The following ENO1 variants were observed in gnomAD, a reference collection of about 807,000 sequenced individuals.
The protein encoded by ENO1 is alpha-enolase.
A neutral mutation model predicts 46.3 loss-of-function variants in ENO1; 33 were observed. That is an observed-to-expected ratio of 0.71 (90% CI 0.54 to 0.95). ENO1 has a LOEUF of 0.95. Among genes scored for constraint, ENO1 ranks in the 40% least tolerant of loss-of-function variants. The pLI, the probability that ENO1 is intolerant of heterozygous loss-of-function variation, is 0.00. For synonymous variants in ENO1, 220 were observed against 216.0 expected (o/e 1.02, Z -0.16); for missense variants, 488 against 553.3 (o/e 0.88, Z 1.18).
Position 8,863,874 on chromosome 1 carries a change from C to A in ENO1, c.1067+17G>T. The A allele has an allele frequency of 6.2e-7, 1 of 1,614,132 alleles. No individual in the cohort carries two copies. Among genetic ancestry groups the A allele is most frequent in the Non-Finnish European group, 8.5e-7 (1 of 1,179,974 alleles). ...GCCGTAGCTGCGGGAAAGCTGCTCG[C>A]CTGGGAAGACACTTACGCCTGAAGA... On this transcript the variant is annotated intron_variant, in intron 9 of 11. Coordinates refer to ENST00000234590, the MANE Select transcript of ENO1 (RefSeq NM_001428.5).
chr1:8,874,600 AG>A lies in ENO1; in HGVS notation c.85+223del, dbSNP rs376464166. On this transcript the variant is annotated intron_variant, in intron 2 of 11. Coordinates refer to ENST00000234590, the MANE Select transcript of ENO1 (RefSeq NM_001428.5). Reference sequence around the variant, plus strand: ...CTCAAAAAAAAAAAAAAAAAAAAAAAGAAAAAGAAAAAGAAAAAAATAAGCC... The same window carrying A: ...CTCAAAAAAAAAAAAAAAAAAAAAAAAAAAAGAAAAAGAAAAAAATAAGCC... Among the ~76,000 whole-genome samples, 31 of 141,672 alleles carry A rather than the reference AG, an allele frequency of 2.2e-4. 1 individual carries two copies. Among genetic ancestry groups the A allele is most frequent in the Middle Eastern group, 3.5e-3 (1 of 284 alleles). The allele number at this position is 141,672 out of a possible 152,430, so 92.9% of individuals were successfully genotyped here.
intron 9 of ENO1, among the ~76,000 whole-genome samples, chr1:8,863,581 C>G (rs767808265): frequency 6.6e-6 from 1 of 152,164 alleles, no homozygotes; most frequent in African/African-American, 2.4e-5. Flanking sequence ...TTCAGCCTCC[C>G]TTGATGGGAG....
At position 8,864,025 on chromosome 1, in the gene ENO1, T is replaced by C. The variant is rs766442820; in HGVS notation, c.933A>G (p.Ala311=). 4 of 1,614,170 alleles carry C rather than the reference T, an allele frequency of 2.5e-6. No homozygotes were observed. Among genetic ancestry groups the C allele is most frequent in the South Asian group, 1.1e-5 (1 of 91,080 alleles). ...WGAWQKFTAS[A]GIQVVGDDLT... is the part of the protein sequence containing the mutation. ...GATCATCCCCCACTACCTGGATTCCTGCACTGGCTGTGAACTTCTGCCAAG... is the reference window on the plus strand; with the variant it reads ...GATCATCCCCCACTACCTGGATTCCCGCACTGGCTGTGAACTTCTGCCAAG... The change falls in exon 9 of 12, where the codon GCA becomes GCG. Residue 311 remains alanine, a synonymous_variant. Transcript: ENST00000234590.
intron 3 of ENO1, chr1:8,870,794 A>ACTG: frequency 7.1e-7 from 1 of 1,399,322 alleles, no homozygotes; most frequent in Non-Finnish European, 9.3e-7. Flanking sequence ...GGAAACGCCA[A>ACTG]CTGCAGACTA....
intron 4 of ENO1, among the ~76,000 whole-genome samples, chr1:8,868,316 G>A (rs1006138266): frequency 6.6e-6 from 1 of 152,068 alleles, no homozygotes; most frequent in Non-Finnish European, 1.5e-5. Flanking sequence ...TGTAACAAAA[G>A]GTTAATAGTC....
chr1:8,870,968 G>A, intron 3 of ENO1: 2 of 1,246,426 alleles, frequency 1.6e-6, no homozygotes, highest in Non-Finnish European at 2.0e-6. Flanking sequence ...GAGACAGTGA[G>A]GGGGCAGGAA....
At position 8,867,179 on chromosome 1, in the gene ENO1, C is replaced by A; in HGVS notation, c.382G>T (p.Val128Phe). The A allele has an allele frequency of 6.2e-7, 1 of 1,614,156 alleles. No homozygotes were observed. The stretch of plus-strand genomic sequence containing the variant: ...TCAGCGATGTGGCGGTACAGGGGGA[C>A]CCCCTTCTCAACGGCACCAGCTTTG... Reference protein sequence around the residue: ...VCKAGAVEKGVPLYRHIADLA... With the variant: ...VCKAGAVEKGFPLYRHIADLA... The change falls in exon 6 of 12, where the codon GTC (valine) becomes TTC (phenylalanine). Residue 128 changes from valine (V) to phenylalanine (F), a missense_variant. Physicochemically the swap from Val to Phe is conservative, Grantham distance 50. Coordinates refer to ENST00000234590, the MANE Select transcript of ENO1 (RefSeq NM_001428.5).
Position 8,866,389 on chromosome 1 carries a change from G to A in ENO1, c.557C>T (p.Ala186Val). The A allele has an allele frequency of 6.2e-7, 1 of 1,614,192 alleles. No individual in the cohort carries two copies. Among genetic ancestry groups the A allele is most frequent in the Non-Finnish European group, 8.5e-7 (1 of 1,180,044 alleles). Residue 186 changes from alanine to valine, a missense_variant, in exon 7 of 12, where the codon GCA becomes GTA. Coordinates refer to ENST00000234590, the MANE Select transcript of ENO1 (RefSeq NM_001428.5). ...ANFREAMRIG[A>V]EVYHNLKNVI... ...ATTCTTCAGGTTGTGGTAAACCTCT[G>A]CTCCAATGCGCATGGCTTCCCTGAA...
Position 8,867,117 on chromosome 1 carries a change from C to T in ENO1, c.444G>A (p.Pro148=), listed in dbSNP as rs1320568706. The T allele has an allele frequency of 1.3e-5, 21 of 1,612,650 alleles. No homozygotes were observed. The highest frequency in any genetic ancestry group is 6.7e-5 in the East Asian group (3 of 44,850). The part of the protein sequence containing the change: ...AGNSEVILPV[P]AFNVINGGSH... ...TGGGAAGTTCCAATAAACCACTCACCGGGACTGGCAGGATGACTTCAGAGT... is the reference window on the plus strand; with the variant it reads ...TGGGAAGTTCCAATAAACCACTCACTGGGACTGGCAGGATGACTTCAGAGT... The change falls in exon 6 of 12, where the codon CCG becomes CCA. Residue 148 remains proline (P), a splice_region_variant and synonymous_variant. Coordinates refer to ENST00000234590, the MANE Select transcript of ENO1 (RefSeq NM_001428.5).
intron 2 of ENO1, among the ~76,000 whole-genome samples, chr1:8,872,324 C>A (rs903137492): frequency 5.9e-5 from 9 of 152,146 alleles, no homozygotes; most frequent in African/African-American, 2.2e-4. Flanking sequence ...GTGGATTACT[C>A]CAGCAGCACT....
chr1:8,866,404 G>C lies in ENO1; in HGVS notation c.542C>G (p.Ala181Gly). 6.2e-7 allele frequency: 1 copy of C among 1,614,194 alleles called. No homozygotes were observed. Among genetic ancestry groups the C allele is most frequent in the African/African-American group, 1.3e-5 (1 of 75,030 alleles). The change falls in exon 7 of 12, where the codon GCC becomes GGC. Residue 181 changes from alanine (A) to glycine (G), a missense_variant. Transcript: ENST00000234590. ...LPVGAANFRE[A>G]MRIGAEVYHN... is the part of the protein sequence containing the mutation. ...GTAAACCTCTGCTCCAATGCGCATG[G>C]CTTCCCTGAAGTTTGCTGCACCGAC... is the stretch of plus-strand genomic sequence containing the variant.
chr1:8,866,137 TA>T, intron 7 of ENO1, 141 bp downstream of exon 7: 1 of 690,268 alleles, frequency 1.4e-6, no homozygotes, highest in Admixed American at 2.9e-5. Context: ...TTTTCCTCCT[TA>T]AAACCGTTTG....
At chr1:8,865,071 G>A (rs1266852293) in intron 8 of ENO1, among the ~76,000 whole-genome samples, 1 of 152,196 alleles carries the variant, frequency 6.6e-6, no homozygotes, top group African/African-American at 2.4e-5. Flanking sequence ...GTCGCTGCTG[G>A]CACCCGAGCT....
chr1:8,878,385 G>C (rs952312320), intron 1 of ENO1, 195 bp downstream of exon 1: 19 of 316,192 alleles, frequency 6.0e-5, no homozygotes, highest in Non-Finnish European at 1.1e-4. Flanking sequence ...CGTGCGCCTG[G>C]CATTGCGCCC....
At chr1:8,871,299 T>C (rs1460440887) in intron 3 of ENO1, 1 of 995,620 alleles carries the variant, frequency 1.0e-6, no homozygotes, top group Admixed American at 6.0e-5. Flanking sequence ...CCTATGTGCT[T>C]TTCTGTAATT....
At chr1:8,875,993 C>T (rs1642724446) in intron 1 of ENO1, 1 of 151,934 alleles carries the variant, frequency 6.6e-6, no homozygotes, top group Admixed American at 6.6e-5. Flanking sequence ...TCTTTGAACA[C>T]CAGGATACTT....
Position 8,870,505 on chromosome 1 carries a change from A to G in ENO1, c.187T>C (p.Ser63Pro). The G allele has an allele frequency of 6.2e-7, 1 of 1,614,180 alleles. No individual in the cohort carries two copies. The highest frequency in any genetic ancestry group is 8.5e-7 in the Non-Finnish European group (1 of 1,180,032). The change falls in exon 4 of 12, where the codon TCA becomes CCA. Residue 63 changes from serine (S) to proline (P), a missense_variant. Ser to Pro is a moderately conservative substitution (Grantham distance 74). Coordinates refer to ENST00000234590, the MANE Select transcript of ENO1 (RefSeq NM_001428.5). ...TTATTGATGTGCTCAACAGCCTTTG[A>G]GACACCTGGAAGGAACAATCAAATC... ...DKTRYMGKGV[S>P]KAVEHINKTI...
At chr1:8,864,204 A>G (rs953865292) in intron 8 of ENO1, 112 bp from the exon 9 acceptor site, 30 of 1,179,278 alleles carry the variant, frequency 2.5e-5, no homozygotes, top group Non-Finnish European at 3.7e-5. Context: ...CACAATGCCC[A>G]AAAGCATAGG....
chr1:8,869,203 A>T lies in ENO1; in HGVS notation c.241-1146T>A, dbSNP rs559628428. ...GCTTCAGAGGTCAATTCTCACTAAC[A>T]GTTTGGTATGTTTCTCTAGGGGGTT... On this transcript the variant is annotated intron_variant, in intron 4 of 11. Transcript: ENST00000234590. 2.0e-5 allele frequency among the ~76,000 whole-genome samples: 3 copies of T among 150,920 alleles called. No individual in the cohort carries two copies. The East Asian group carries it at 5.8e-4, about 29-fold the overall frequency.
Sources: gnomAD v4.1 joint callset for allele counts (sites outside exome capture counted in the v4.1 genomes callset) on GRCh38, gnomAD v4.1.1 for gene constraint, MANE v1.5 for transcripts, NCBI Gene and HGNC (gene_info 2026-07-23, HGNC 2026-07-21) for gene names.